MTHFD1L: variants seen among roughly 807,000 people sequenced by gnomAD.
MTHFD1L encodes monofunctional C1-tetrahydrofolate synthase, mitochondrial.
Under a neutral mutation model 119.5 loss-of-function variants are expected in MTHFD1L, and 81 were observed. That is an observed-to-expected ratio of 0.68 (90% CI 0.57 to 0.82). The LOEUF (loss-of-function observed/expected upper bound fraction) is 0.82. MTHFD1L is among the 40% of genes least tolerant of loss of function. The pLI, the probability that MTHFD1L is intolerant of heterozygous loss-of-function variation, is 0.00. For missense variants in MTHFD1L, 1,125 were observed against 1,253.4 expected (o/e 0.90, Z 1.55); for synonymous variants, 430 against 475.2 (o/e 0.90, Z 1.24).
intron 20 of MTHFD1L, among the ~76,000 whole-genome samples, chr6:150,998,822 C>CAAA (rs72203332): frequency 0.086 from 8,656 of 101,010 alleles, 1,154 homozygotes; most frequent in African/African-American, 0.3. Context: ...TCTAAAAATA[C>CAAA]AAAAAAAAAA....
At chr6:151,020,294 C>T (rs574132286) in intron 24 of MTHFD1L, among the ~76,000 whole-genome samples, 1 of 152,316 alleles carries the variant, frequency 6.6e-6, no homozygotes, top group South Asian at 2.1e-4. Flanking sequence ...CGGAACCCCA[C>T]TGGAGAGTGA....
intron 27 of MTHFD1L, among the ~76,000 whole-genome samples, chr6:151,096,978 A>G (rs2128663861): frequency 6.6e-6 from 1 of 152,354 alleles, no homozygotes; most frequent in South Asian, 2.1e-4. Context: ...ATGTCACTAA[A>G]TAGAACTAAT....
At chr6:151,010,080 C>CT (rs558626324) in intron 21 of MTHFD1L, 122 bp downstream of exon 21, 368 of 1,246,498 alleles carry the variant, frequency 3.0e-4, no homozygotes, top group Non-Finnish European at 3.1e-4. Flanking sequence ...TTTCTTAAAA[C>CT]TTTTTTTTTC....
At chr6:151,097,524 CA>C (rs1794979469) in intron 27 of MTHFD1L, among the ~76,000 whole-genome samples, 1 of 152,144 alleles carries the variant, frequency 6.6e-6, no homozygotes, top group Non-Finnish European at 1.5e-5. Context: ...TGCATGTTCT[CA>C]CTCTCATGTG....
At chr6:151,029,578 C>T (rs1785056893) in intron 24 of MTHFD1L, among the ~76,000 whole-genome samples, 2 of 152,136 alleles carry the variant, frequency 1.3e-5, no homozygotes, top group South Asian at 4.1e-4. Context: ...AAGCGGATCA[C>T]CTGAGGTCAG....
chr6:150,987,991 G>A (rs1315384901), intron 20 of MTHFD1L, among the ~76,000 whole-genome samples: 2 of 152,208 alleles, frequency 1.3e-5, no homozygotes, highest in African/African-American at 4.8e-5. Flanking sequence ...TCTATGTGCT[G>A]TAAGATGCAG....
chr6:151,081,707 A>C (rs543967579), intron 26 of MTHFD1L, among the ~76,000 whole-genome samples: 1 of 152,150 alleles, frequency 6.6e-6, no homozygotes, highest in Non-Finnish European at 1.5e-5. Flanking sequence ...TTTCTACTAC[A>C]CAGCTTATTA....
chr6:150,943,386 T>C (rs1054541398), intron 13 of MTHFD1L, among the ~76,000 whole-genome samples: 24 of 152,250 alleles, frequency 1.6e-4, no homozygotes, highest in African/African-American at 5.5e-4. Flanking sequence ...ATCCTAGCAC[T>C]TTGCGGGGCT....
At position 151,039,917 on chromosome 6, in the gene MTHFD1L, A is replaced by C. The variant is rs201774499; in HGVS notation, c.2847+2800A>C. 2.7e-5 allele frequency among the ~76,000 whole-genome samples: 4 copies of C among 148,632 alleles called. No homozygotes were observed. The highest frequency in any genetic ancestry group is 5.9e-5 in the Non-Finnish European group (4 of 67,466). On this transcript the variant is annotated intron_variant, in intron 26 of 27. Coordinates refer to ENST00000367321, the MANE Select transcript of MTHFD1L (RefSeq NM_015440.5). This position sits in a 1 kb window ranked among gnomAD's most constrained non-coding sequence, Gnocchi z 4.4. ...GTGACAGAGCAAGACTTCATCTCTA[A>C]ATACATACATACATACATACATACA...
chr6:150,993,390 G>A (rs1055146503), intron 20 of MTHFD1L, among the ~76,000 whole-genome samples: 5 of 151,674 alleles, frequency 3.3e-5, no homozygotes, highest in African/African-American at 4.8e-5. Context: ...ATGTGATCTC[G>A]GCGCACCACA....
At chr6:151,049,314 AC>A (rs1203605945) in intron 26 of MTHFD1L, among the ~76,000 whole-genome samples, 4 of 152,204 alleles carry the variant, frequency 2.6e-5, no homozygotes, top group African/African-American at 9.6e-5. Context: ...ACACAGTGAA[AC>A]CCTGTCTCTA....
intron 21 of MTHFD1L, among the ~76,000 whole-genome samples, chr6:151,010,909 T>C (rs1782119504): frequency 6.6e-6 from 1 of 152,222 alleles, no homozygotes; most frequent in African/African-American, 2.4e-5. Flanking sequence ...GTAGCAGGTT[T>C]GCCATCATGA....
chr6:151,027,838 T>C (rs1029659608), intron 24 of MTHFD1L, among the ~76,000 whole-genome samples: 4 of 151,994 alleles, frequency 2.6e-5, no homozygotes, highest in African/African-American at 9.7e-5. Flanking sequence ...GTAGCAGGAG[T>C]CCCAAGAGCA....
At chr6:150,963,908 C>G (rs1796821264) in intron 18 of MTHFD1L, among the ~76,000 whole-genome samples, 1 of 152,194 alleles carries the variant, frequency 6.6e-6, no homozygotes, top group Non-Finnish European at 1.5e-5. Context: ...TGGCTCACGC[C>G]TGTAATGCTA....
rs111450959 is a variant in MTHFD1L at position 150,868,925 on chromosome 6, G to A, written c.227+2876G>A. On this transcript the variant is annotated intron_variant, in intron 1 of 27. Coordinates refer to ENST00000367321, the MANE Select transcript of MTHFD1L (RefSeq NM_015440.5). ...AAAAATTTTAAAAAATTAACTGGGC[G>A]TGGCGCGTGCCTGTAGTTCCAGCTA... Among the ~76,000 whole-genome samples the A allele has an allele frequency of 6.7e-3, 1,018 of 152,240 alleles. 12 individuals are homozygous for A. Among genetic ancestry groups the A allele is most frequent in the African/African-American group, 0.023 (953 of 41,564 alleles).
At chr6:150,937,863 T>C (rs1046215539) in intron 12 of MTHFD1L, among the ~76,000 whole-genome samples, 2 of 152,198 alleles carry the variant, frequency 1.3e-5, no homozygotes, top group African/African-American at 4.8e-5. Flanking sequence ...ACATGGGCGG[T>C]GTTGTTCTGC....
chr6:151,066,728 G>A (rs1240082778), intron 26 of MTHFD1L, among the ~76,000 whole-genome samples: 1 of 150,140 alleles, frequency 6.7e-6, no homozygotes, highest in East Asian at 2.0e-4. Flanking sequence ...TTGCGCCATT[G>A]CATTCCAGCC....
chr6:150,901,204 C>T (rs1785051694), intron 7 of MTHFD1L, among the ~76,000 whole-genome samples: 1 of 152,144 alleles, frequency 6.6e-6, no homozygotes, highest in East Asian at 1.9e-4. Flanking sequence ...CACAGTGGCT[C>T]ACGCCTGTAA....
At chr6:150,946,059 G>A (rs1010572190) in intron 15 of MTHFD1L, among the ~76,000 whole-genome samples, 1 of 152,130 alleles carries the variant, frequency 6.6e-6, no homozygotes, top group Non-Finnish European at 1.5e-5. Flanking sequence ...TCTTTCTAAA[G>A]TGAAATATTT....
Sources: allele counts gnomAD v4.1 joint callset (sites outside exome capture counted in the v4.1 genomes callset), GRCh38; gene constraint gnomAD v4.1.1; non-coding constraint Gnocchi (gnomAD v3.1); transcripts MANE v1.5; gene names NCBI Gene and HGNC (gene_info 2026-07-23, HGNC 2026-07-21).